Variants in ZFHX3 observed in about 807,000 individuals in gnomAD.
ZFHX3 encodes zinc finger homeobox 3.
In ZFHX3, 42 loss-of-function variants were observed where a neutral mutation model predicts 279.1. That is an observed-to-expected ratio of 0.15 (90% CI 0.12 to 0.19). ZFHX3 has a LOEUF of 0.19. ZFHX3 is among the 10% of genes least tolerant of loss of function. ZFHX3 has a pLI of 1.00. For missense variants in ZFHX3, 4,981 were observed against 4,754.0 expected, an observed-to-expected ratio of 1.05 and a Z score of -1.40; for synonymous variants, 2,293 against 1,957.8, an observed-to-expected ratio of 1.17 and a Z score of -4.52.
chr16:73,592,656 T>C (rs2143845924), intron 2 of ZFHX3, among the ~76,000 whole-genome samples: 1 of 152,260 alleles, frequency 6.6e-6, no homozygotes, highest in African/African-American at 2.4e-5. Flanking sequence ...TCAGTAACTG[T>C]TGAATGTAAA....
chr16:73,374,236 T>A (rs753707924), intron 3 of ZFHX3, among the ~76,000 whole-genome samples: 89 of 152,246 alleles, frequency 5.8e-4, no homozygotes, highest in African/African-American at 6.3e-4. Flanking sequence ...GACATATATA[T>A]AATTGTATAG....
chr16:73,367,960 C>T (rs1436198161), intron 3 of ZFHX3, among the ~76,000 whole-genome samples: 2 of 151,002 alleles, frequency 1.3e-5, no homozygotes, highest in African/African-American at 2.4e-5. Flanking sequence ...CCTCCACCTC[C>T]TGGGTTTTCA....
chr16:73,452,900 T>G (rs1460809106), intron 3 of ZFHX3, among the ~76,000 whole-genome samples: 3 of 152,240 alleles, frequency 2.0e-5, no homozygotes, highest in Non-Finnish European at 4.4e-5. Context: ...TATTACTCCT[T>G]AAGACTTGAC....
chr16:73,135,654 CA>C (rs1161780591), intron 6 of ZFHX3, among the ~76,000 whole-genome samples: 1 of 151,016 alleles, frequency 6.6e-6, no homozygotes, highest in African/African-American at 2.5e-5. Context: ...ATGTTCGAAT[CA>C]AATTGATTGC....
chr16:73,343,133 T>C (rs2016064041), intron 3 of ZFHX3, among the ~76,000 whole-genome samples: 2 of 152,162 alleles, frequency 1.3e-5, no homozygotes, highest in Non-Finnish European at 2.9e-5. Context: ...GTTTTTTTCT[T>C]TTTCTTTTTT....
rs1422217268 is a variant in ZFHX3, at chr16:72,827,342, A to G, written c.3529+2437T>C. ...TGCCAAGCACTGTTCGGAGCTTCCC[A>G]TAGTCAAATAATCCTCGTAGCAATC... On this transcript the variant is annotated intron_variant, in intron 5 of 9. Coordinates refer to ENST00000268489, the MANE Select transcript of ZFHX3 (RefSeq NM_006885.4). Among the ~76,000 whole-genome samples the G allele has an allele frequency of 2.0e-5, 3 of 152,336 alleles. No homozygotes were observed. The East Asian group carries it at 5.8e-4, about 29-fold the overall frequency.
intron 3 of ZFHX3, among the ~76,000 whole-genome samples, chr16:73,436,343 A>G (rs760596581): frequency 1.3e-5 from 2 of 152,074 alleles, no homozygotes; most frequent in Non-Finnish European, 2.9e-5. Flanking sequence ...GGTTTAAGGG[A>G]CTCAGAGTTC....
intron 3 of ZFHX3, among the ~76,000 whole-genome samples, chr16:73,382,557 T>C (rs2016833961): frequency 6.6e-6 from 1 of 152,026 alleles, no homozygotes; most frequent in Admixed American, 6.6e-5. Flanking sequence ...GGGGAATGGA[T>C]TGTGGGGGGG....
At chr16:73,699,656 T>A (rs1567555314) in intron 1 of ZFHX3, among the ~76,000 whole-genome samples, 3 of 152,204 alleles carry the variant, frequency 2.0e-5, no homozygotes, top group Non-Finnish European at 4.4e-5. Flanking sequence ...TTTAATCTGC[T>A]CAACAACCCT....
rs1374580415 is a variant in ZFHX3 at position 72,796,677 on chromosome 16, T to A, written c.6005A>T (p.Gln2002Leu). 1 of 1,613,968 alleles carries A rather than the reference T, an allele frequency of 6.2e-7. No individual in the cohort carries two copies. The highest frequency in any genetic ancestry group is 1.3e-5 in the African/African-American group (1 of 74,884). Residue 2002 changes from glutamine to leucine, a missense_variant, in exon 9 of 10, where the codon CAA (glutamine) becomes CTA (leucine). Gln to Leu is a moderately radical substitution (Grantham distance 113). This residue lies in a region of ZFHX3 where 1,751 missense variants were observed against 1,770.0 expected (regional missense o/e 0.99). Coordinates refer to ENST00000268489, the MANE Select transcript of ZFHX3 (RefSeq NM_006885.4). ...FSNILILKSHQEHVHQNYFPF... is the reference protein window; with the variant it reads ...FSNILILKSHLEHVHQNYFPF... Reference sequence around the variant, plus strand: ...AAAGTAATTCTGATGAACGTGCTCTTGATGACTCTTTAAAATCAAGATGTT... The same window carrying A: ...AAAGTAATTCTGATGAACGTGCTCTAGATGACTCTTTAAAATCAAGATGTT...
intron 4 of ZFHX3, among the ~76,000 whole-genome samples, chr16:73,274,787 G>T (rs1316823585): frequency 1.3e-5 from 2 of 152,078 alleles, no homozygotes; most frequent in African/African-American, 4.8e-5. Context: ...TTGCTATTTT[G>T]TATTTATGCC....
At chr16:73,273,953 G>T (rs1418912907) in intron 4 of ZFHX3, among the ~76,000 whole-genome samples, 7 of 152,094 alleles carry the variant, frequency 4.6e-5, no homozygotes, top group Non-Finnish European at 7.4e-5. Flanking sequence ...GACCAGCCTG[G>T]CCAACATGGT....
At chr16:73,140,906 T>G (rs558029758) in intron 6 of ZFHX3, among the ~76,000 whole-genome samples, 19 of 152,142 alleles carry the variant, frequency 1.2e-4, no homozygotes, top group Admixed American at 7.2e-4. Flanking sequence ...AACCTTGGCT[T>G]TACACTCCCC....
chr16:72,789,777 G>C (rs1482626401), intron 9 of ZFHX3: 4 of 152,226 alleles, frequency 2.6e-5, no homozygotes, highest in African/African-American at 9.7e-5. Flanking sequence ...TAGGAATCTG[G>C]AATCTGCGGG....
At chr16:73,650,747 G>C (rs2052662765) in intron 2 of ZFHX3, among the ~76,000 whole-genome samples, 1 of 152,080 alleles carries the variant, frequency 6.6e-6, no homozygotes, top group Non-Finnish European at 1.5e-5. Flanking sequence ...GGTCTTGAAG[G>C]TACTTCTCTT....
chr16:72,869,930 C>T (rs1215026995), intron 4 of ZFHX3, among the ~76,000 whole-genome samples: 3 of 152,178 alleles, frequency 2.0e-5, no homozygotes, highest in Non-Finnish European at 4.4e-5. Context: ...TCTCATGAAA[C>T]AATACACGAG....
At chr16:73,846,521 A>G (rs765651891) in intron 1 of ZFHX3, among the ~76,000 whole-genome samples, 4 of 152,184 alleles carry the variant, frequency 2.6e-5, no homozygotes, top group Non-Finnish European at 4.4e-5. Context: ...TCTCTCTTCA[A>G]GCTGAAATTG....
chr16:73,274,668 T>C (rs1230053839), intron 4 of ZFHX3, among the ~76,000 whole-genome samples: 1 of 152,252 alleles, frequency 6.6e-6, no homozygotes, highest in Non-Finnish European at 1.5e-5. Context: ...TGTTTAGTTC[T>C]TTAGCAATAC....
intron 3 of ZFHX3, among the ~76,000 whole-genome samples, chr16:73,433,735 G>C (rs1223448115): frequency 6.6e-6 from 1 of 152,198 alleles, no homozygotes; most frequent in Non-Finnish European, 1.5e-5. Flanking sequence ...TACTGGCAAT[G>C]ATGCTTCTGG....
Sources: allele counts gnomAD v4.1 joint callset (sites outside exome capture counted in the v4.1 genomes callset), GRCh38; gene constraint gnomAD v4.1.1; regional missense constraint gnomAD v4.1.1; transcripts MANE v1.5; gene names NCBI Gene and HGNC (gene_info 2026-07-23, HGNC 2026-07-21).